LRRC37A2: variants seen among roughly 807,000 people sequenced by gnomAD.
LRRC37A2 encodes leucine-rich repeat-containing protein 37A2.
LRRC37A2 carries 9 observed loss-of-function variants against 68.8 expected under a neutral mutation model. The ratio of observed to expected loss-of-function variants is 0.13; its 90% confidence interval spans 0.08 to 0.23. LRRC37A2 has a LOEUF of 0.23. Among genes scored for constraint, LRRC37A2 ranks in the 10% least tolerant of loss-of-function variants. The pLI is 1.00. For synonymous variants in LRRC37A2, 63 were observed against 367.6 expected (o/e 0.17, Z 9.48); for missense variants, 168 against 950.4 (o/e 0.18, Z 10.82).
At chr17:46,778,625 C>T in the LRRC37A2 span, among the ~76,000 whole-genome samples, 2 of 152,182 alleles carry the variant, frequency 1.3e-5, no homozygotes, top group South Asian at 2.1e-4. Flanking sequence ...TTGAAGTACA[C>T]GTTCCACTTC....
chr17:46,722,173 T>C, the LRRC37A2 span: 2 of 1,611,372 alleles, frequency 1.2e-6, no homozygotes, highest in Non-Finnish European at 1.7e-6. Context: ...AACATGGCTT[T>C]CTCCTGGGAG....
the LRRC37A2 span, among the ~76,000 whole-genome samples, chr17:46,568,887 C>T: frequency 2.3e-5 from 3 of 129,620 alleles, no homozygotes; most frequent in African/African-American, 9.1e-5. Flanking sequence ...AACTCTGATC[C>T]AGATGCAAAC....
chr17:46,725,395 G>A, the LRRC37A2 span, among the ~76,000 whole-genome samples: 4 of 152,112 alleles, frequency 2.6e-5, no homozygotes, highest in Admixed American at 2.6e-4. Flanking sequence ...TAAAGGGATG[G>A]TGCATAGGAA....
chr17:46,801,303 C>A, the LRRC37A2 span, among the ~76,000 whole-genome samples: 1 of 152,264 alleles, frequency 6.6e-6, no homozygotes, highest in East Asian at 1.9e-4. Flanking sequence ...GCTGCTGCTG[C>A]ACTCCTAATT....
chr17:46,935,254 A>G, the LRRC37A2 span: 2 of 1,606,870 alleles, frequency 1.2e-6, no homozygotes, highest in South Asian at 2.2e-5. Flanking sequence ...TATTTTGATT[A>G]CGTGTCCTCA....
chr17:46,992,020 T>C, the LRRC37A2 span, among the ~76,000 whole-genome samples: 2 of 152,320 alleles, frequency 1.3e-5, no homozygotes, highest in East Asian at 1.9e-4. Context: ...AGTGGATTGA[T>C]CAAATTACAA....
At chr17:46,517,680 CT>C (rs1180779573) in intron 3 of LRRC37A2, among the ~76,000 whole-genome samples, 1 of 706 alleles carries the variant, frequency 1.4e-3, no homozygotes, top group African/African-American at 0.015. Flanking sequence ...TTTTTGTTCT[CT>C]TTTTTTTTTT....
At chr17:46,806,032 G>A in the LRRC37A2 span, among the ~76,000 whole-genome samples, 9 of 152,176 alleles carry the variant, frequency 5.9e-5, 1 homozygote, top group South Asian at 1.7e-3. Context: ...GGGTTGTCGG[G>A]AGGATGAGCT....
At chr17:46,773,633 C>CCA in the LRRC37A2 span, 6 of 628,158 alleles carry the variant, frequency 9.6e-6, no homozygotes, top group South Asian at 1.7e-5. Flanking sequence ...TCCCCCCACC[C>CCA]AGCCCCTCCC....
At chr17:46,979,988 C>A in the LRRC37A2 span, among the ~76,000 whole-genome samples, 1 of 152,156 alleles carries the variant, frequency 6.6e-6, no homozygotes, top group South Asian at 2.1e-4. Context: ...TTCCTGCTTA[C>A]TGCCTCCCAA....
the LRRC37A2 span, among the ~76,000 whole-genome samples, chr17:46,732,667 C>T: frequency 2.0e-5 from 3 of 152,156 alleles, no homozygotes; most frequent in South Asian, 4.1e-4. Context: ...AACATCATCA[C>T]ATTTTGTTTA....
At chr17:46,789,152 G>C in the LRRC37A2 span, among the ~76,000 whole-genome samples, 2 of 152,154 alleles carry the variant, frequency 1.3e-5, no homozygotes, top group African/African-American at 4.8e-5. Flanking sequence ...ACTCTTACCT[G>C]AACCTGGAGC....
the LRRC37A2 span, among the ~76,000 whole-genome samples, chr17:46,993,435 T>C: frequency 1.3e-5 from 2 of 152,252 alleles, no homozygotes; most frequent in African/African-American, 2.4e-5. Flanking sequence ...GTCTGGCACA[T>C]AGGAGGTGCT....
chr17:46,877,964 C>T, the LRRC37A2 span, among the ~76,000 whole-genome samples: 1 of 152,170 alleles, frequency 6.6e-6, no homozygotes, highest in African/African-American at 2.4e-5. Context: ...TCCTCAGATC[C>T]TGTGGACATT....
the LRRC37A2 span, among the ~76,000 whole-genome samples, chr17:46,952,035 G>A: frequency 6.6e-6 from 1 of 152,154 alleles, no homozygotes; most frequent in Non-Finnish European, 1.5e-5. Flanking sequence ...ATTGCATCAG[G>A]GAGAGGGGGA....
At chr17:46,841,184 C>T in the LRRC37A2 span, among the ~76,000 whole-genome samples, 1 of 152,196 alleles carries the variant, frequency 6.6e-6, no homozygotes, top group Non-Finnish European at 1.5e-5. Flanking sequence ...AGGAACATGA[C>T]ACGCATGATT....
the LRRC37A2 span, among the ~76,000 whole-genome samples, chr17:46,893,800 T>C: frequency 6.6e-6 from 1 of 152,194 alleles, no homozygotes; most frequent in Non-Finnish European, 1.5e-5. Flanking sequence ...GCCCAATTCA[T>C]TCTCCTGAGC....
the LRRC37A2 span, chr17:46,924,144 C>T: frequency 9.4e-6 from 3 of 318,292 alleles, no homozygotes; most frequent in Non-Finnish European, 1.1e-5. Context: ...TCCAGAACAC[C>T]TAGTAACCTC....
At chr17:46,539,812 G>A (rs1349992745) in intron 6 of LRRC37A2, among the ~76,000 whole-genome samples, 1 of 144,084 alleles carries the variant, frequency 6.9e-6, no homozygotes, top group Non-Finnish European at 1.5e-5. Context: ...CTTGAATTAT[G>A]ATGAGCAACT....
Sources: allele counts gnomAD v4.1 joint callset (sites outside exome capture counted in the v4.1 genomes callset), GRCh38; gene constraint gnomAD v4.1.1; transcripts MANE v1.5; gene names NCBI Gene and HGNC (gene_info 2026-07-23, HGNC 2026-07-21).